The following TECRL variants were observed in gnomAD, a reference collection of about 807,000 sequenced individuals.
The protein encoded by TECRL is trans-2,3-enoyl-CoA reductase like, also known as trans-2,3-enoyl-CoA reductase-like.
In TECRL, 63 loss-of-function variants were observed where a neutral mutation model predicts 52.8. The observed-to-expected ratio is 1.19, with a 90% CI of 0.97 to 1.47. The LOEUF (loss-of-function observed/expected upper bound fraction) is 1.47. TECRL is among the 40% of genes most tolerant of loss of function. The pLI is 0.00. For missense variants in TECRL, 482 were observed against 429.6 expected (o/e 1.12, Z -1.08); for synonymous variants, 164 against 141.9 (o/e 1.16, Z -1.10).
intron 8 of TECRL, among the ~76,000 whole-genome samples, chr4:64,292,050 G>A (rs903411735): frequency 2.0e-5 from 3 of 151,922 alleles, no homozygotes; most frequent in African/African-American, 7.2e-5. Flanking sequence ...TACAGTTTGC[G>A]ATGCTAACTG....
intron 1 of TECRL, among the ~76,000 whole-genome samples, chr4:64,376,460 G>C (rs1722404437): frequency 1.3e-5 from 2 of 151,798 alleles, no homozygotes; most frequent in Admixed American, 1.3e-4. Context: ...AGTTTATATA[G>C]AGAGTAATAT....
rs1722156518 is a variant in TECRL, at chr4:64,373,914, C to T, written c.286+1258G>A. On this transcript the variant is annotated intron_variant, in intron 2 of 11. Coordinates refer to ENST00000381210, the MANE Select transcript of TECRL (RefSeq NM_001010874.5). ...TTTAAGTAGAAATACACCAAAAATA[C>T]TTATATATACTATATACACTATATA... Among the ~76,000 whole-genome samples, 3 of 147,796 alleles carry T rather than the reference C, an allele frequency of 2.0e-5. No homozygotes were observed. In the South Asian group the frequency reaches 6.3e-4, roughly 31 times the overall value.
intron 7 of TECRL, among the ~76,000 whole-genome samples, chr4:64,303,014 T>G (rs1724110661): frequency 6.6e-6 from 1 of 151,380 alleles, no homozygotes; most frequent in African/African-American, 2.4e-5. Context: ...TAAGGTTTAT[T>G]TTATCTCACC....
At chr4:64,389,754 T>A (rs1723421896) in intron 1 of TECRL, among the ~76,000 whole-genome samples, 1 of 151,890 alleles carries the variant, frequency 6.6e-6, no homozygotes, top group African/African-American at 2.4e-5. Context: ...AGATTATTAA[T>A]TATTGATTCA....
chr4:64,393,758 A>G (rs1325624837), intron 1 of TECRL, among the ~76,000 whole-genome samples: 1 of 151,880 alleles, frequency 6.6e-6, no homozygotes, highest in Non-Finnish European at 1.5e-5. Flanking sequence ...TCAAGGAAGA[A>G]TTGTTAAAAT....
intron 8 of TECRL, among the ~76,000 whole-genome samples, chr4:64,297,225 T>C (rs1191589553): frequency 6.6e-6 from 1 of 151,308 alleles, no homozygotes; most frequent in Non-Finnish European, 1.5e-5. Context: ...CCATTAACAG[T>C]CTACAAAATA....
At chr4:64,383,355 A>G (rs1298782629) in intron 1 of TECRL, among the ~76,000 whole-genome samples, 1 of 152,068 alleles carries the variant, frequency 6.6e-6, no homozygotes, top group African/African-American at 2.4e-5. Flanking sequence ...TGGAGTTTCT[A>G]TGCTTTTTTT....
intron 9 of TECRL, among the ~76,000 whole-genome samples, chr4:64,288,996 G>T (rs1309382461): frequency 6.6e-6 from 1 of 152,170 alleles, no homozygotes; most frequent in Non-Finnish European, 1.5e-5. Context: ...ACAACGTTTT[G>T]CAGGGAAGAT....
chr4:64,329,832 A>T (rs1408457454), intron 2 of TECRL, among the ~76,000 whole-genome samples: 2 of 151,874 alleles, frequency 1.3e-5, no homozygotes, highest in Non-Finnish European at 1.5e-5. Context: ...ATACTCAATT[A>T]TTAGTACTTT....
chr4:64,322,278 A>T (rs1044358486), intron 4 of TECRL, among the ~76,000 whole-genome samples: 1 of 151,916 alleles, frequency 6.6e-6, no homozygotes, highest in Non-Finnish European at 1.5e-5. Context: ...AGGCAGATGG[A>T]TGTGAGACTG....
chr4:64,384,890 T>C (rs1280190063), intron 1 of TECRL, among the ~76,000 whole-genome samples: 2 of 152,016 alleles, frequency 1.3e-5, no homozygotes, highest in African/African-American at 4.8e-5. Context: ...CTGTCTTCAG[T>C]TCTCCCCAAT....
intron 1 of TECRL, among the ~76,000 whole-genome samples, chr4:64,375,884 G>T (rs1285209256): frequency 1.3e-5 from 2 of 151,738 alleles, no homozygotes; most frequent in Non-Finnish European, 2.9e-5. Context: ...GAGGACTAAA[G>T]TTCCATGCAA....
chr4:64,339,246 A>G (rs1434430272), intron 2 of TECRL, among the ~76,000 whole-genome samples: 1 of 132,706 alleles, frequency 7.5e-6, no homozygotes, highest in Non-Finnish European at 1.6e-5. Context: ...GAACACTTGG[A>G]CACAGGAAGG....
chr4:64,319,162 A>C (rs1281558407), intron 4 of TECRL, among the ~76,000 whole-genome samples: 1 of 151,890 alleles, frequency 6.6e-6, no homozygotes, highest in African/African-American at 2.4e-5. Context: ...TATAAATACC[A>C]AAATAACACA....
At chr4:64,282,541 AC>A (rs1178571353) in intron 9 of TECRL, among the ~76,000 whole-genome samples, 2 of 151,908 alleles carry the variant, frequency 1.3e-5, no homozygotes, top group African/African-American at 4.8e-5. Context: ...TTTTGTAGAC[AC>A]CTTTGTGTAA....
intron 4 of TECRL, among the ~76,000 whole-genome samples, chr4:64,320,763 A>G (rs1293480778): frequency 1.3e-5 from 2 of 152,034 alleles, no homozygotes; most frequent in Non-Finnish European, 2.9e-5. Context: ...TGAAGACCAA[A>G]CACTCTTTTC....
chr4:64,408,132 T>C (rs1243357910), intron 1 of TECRL, among the ~76,000 whole-genome samples: 2 of 151,840 alleles, frequency 1.3e-5, no homozygotes, highest in African/African-American at 4.8e-5. Flanking sequence ...CTCATAGTGT[T>C]ATAATTACTG....
At chr4:64,398,668 G>A (rs997510972) in intron 1 of TECRL, among the ~76,000 whole-genome samples, 14 of 152,088 alleles carry the variant, frequency 9.2e-5, no homozygotes, top group African/African-American at 3.4e-4. Context: ...ATTTTTTATA[G>A]CAATGTGAGA....
chr4:64,375,916 CT>C (rs1045670700), intron 1 of TECRL, among the ~76,000 whole-genome samples: 53 of 151,696 alleles, frequency 3.5e-4, no homozygotes, highest in African/African-American at 1.2e-3. Flanking sequence ...CATCGCAATA[CT>C]TTTTTTTCTG....
Sources: gnomAD v4.1 joint callset for allele counts (sites outside exome capture counted in the v4.1 genomes callset) on GRCh38, gnomAD v4.1.1 for gene constraint, MANE v1.5 for transcripts, NCBI Gene and HGNC (gene_info 2026-07-23, HGNC 2026-07-21) for gene names.